The following NAA35 variants were observed in gnomAD, a reference collection of about 807,000 sequenced individuals.
The protein encoded by NAA35 is MAK10 homolog, amino-acid N-acetyltransferase subunit.
Under a neutral mutation model 101.7 loss-of-function variants are expected in NAA35, and 18 were observed. The observed-to-expected ratio is 0.18, with a 90% CI of 0.12 to 0.26. NAA35 has a LOEUF of 0.26. Among genes scored for constraint, NAA35 ranks in the 10% least tolerant of loss-of-function variants. The pLI is 1.00. For synonymous variants in NAA35, 267 were observed against 273.1 expected, an observed-to-expected ratio of 0.98 and a Z score of 0.22; for missense variants, 601 against 886.8, an observed-to-expected ratio of 0.68 and a Z score of 4.09.
At chr9:85,943,651 T>C (rs1324716128) in intron 2 of NAA35, among the ~76,000 whole-genome samples, 1 of 152,206 alleles carries the variant, frequency 6.6e-6, no homozygotes, top group Non-Finnish European at 1.5e-5. Flanking sequence ...GAGAAAGAAA[T>C]GTCAAGTTAC....
In NAA35 at chr9:86,009,378, C is replaced by T. The variant is rs374636747; in HGVS notation, c.1224-487C>T. 1.3e-3 allele frequency among the ~76,000 whole-genome samples: 191 copies of T among 152,074 alleles called. 5 individuals carry two copies. In the South Asian group the frequency reaches 0.033, roughly 26 times the overall value. On this transcript the variant is annotated intron_variant, in intron 14 of 22. Coordinates refer to ENST00000361671, the MANE Select transcript of NAA35 (RefSeq NM_024635.4). ...TCTGTTAATCAGAGATAAGGAACAC[C>T]GTAAAGGAAACCACTTTGTGAGAAG...
chr9:85,942,416 C>A, intron 2 of NAA35, 133 bp downstream of exon 2: 2 of 1,186,022 alleles, frequency 1.7e-6, no homozygotes, highest in Non-Finnish European at 1.2e-6. Context: ...CACACTTATT[C>A]TGTATCCTCT....
intron 2 of NAA35, among the ~76,000 whole-genome samples, chr9:85,947,982 A>G (rs1430517589): frequency 6.6e-6 from 1 of 152,170 alleles, no homozygotes; most frequent in Non-Finnish European, 1.5e-5. Context: ...ATCACGTATA[A>G]TATATCTTGC....
intron 15 of NAA35, 27 bp from the exon 16 acceptor site, chr9:86,013,019 A>C: frequency 7.0e-7 from 1 of 1,421,456 alleles, no homozygotes; most frequent in Non-Finnish European, 9.5e-7. Context: ...TCATATTTAC[A>C]GTTGACAAAT....
chr9:86,018,009 C>T (rs902110672), intron 19 of NAA35, among the ~76,000 whole-genome samples: 1 of 152,224 alleles, frequency 6.6e-6, no homozygotes, highest in African/African-American at 2.4e-5. Context: ...TGGGTACTAA[C>T]TCTTAAGTTG....
At position 86,016,591 on chromosome 9, in the gene NAA35, G is replaced by A. The variant is rs761127695; in HGVS notation, c.1621G>A (p.Asp541Asn). The A allele has an allele frequency of 2.2e-5, 35 of 1,613,852 alleles. No individual in the cohort carries two copies. The highest frequency in any genetic ancestry group is 2.2e-5 in the East Asian group (1 of 44,872). The change falls in exon 18 of 23, where the codon GAT becomes AAT. Residue 541 changes from aspartate (D) to asparagine (N), a missense_variant. Transcript: ENST00000361671. ...AWLMSTLSRA[D>N]GSQMAEERIM... ...GTTGATGTCAACATTGAGTCGTGCCGATGGCTCTCAAATGGCAGAGGAAAG... is the reference window on the plus strand; with the variant it reads ...GTTGATGTCAACATTGAGTCGTGCCAATGGCTCTCAAATGGCAGAGGAAAG...
chr9:86,010,599 G>A (rs755613847), intron 15 of NAA35, among the ~76,000 whole-genome samples: 4 of 136,030 alleles, frequency 2.9e-5, no homozygotes, highest in Non-Finnish European at 6.1e-5. Context: ...TTTTAAGACG[G>A]TGTCTCGCTC....
rs1341481620 is a variant in NAA35 at position 86,024,967 on chromosome 9, G to A, written c.*3007G>A. Among the ~76,000 whole-genome samples, 1 of 152,178 alleles carries A rather than the reference G, an allele frequency of 6.6e-6. No individual in the cohort carries two copies. Among genetic ancestry groups the A allele is most frequent in the Non-Finnish European group, 1.5e-5 (1 of 68,034 alleles). Reference sequence around the variant, plus strand: ...ATAGACTTGGGAGGGCCAGGGAATGGGGAGGCCACTGAGGTGGTGGGACAG... The same window carrying A: ...ATAGACTTGGGAGGGCCAGGGAATGAGGAGGCCACTGAGGTGGTGGGACAG... On this transcript the variant is annotated 3_prime_UTR_variant, in exon 23 of 23. Transcript: ENST00000361671.
intron 5 of NAA35, 140 bp downstream of exon 5, chr9:85,960,007 G>A (rs1829442711): frequency 1.8e-6 from 1 of 541,006 alleles, no homozygotes; most frequent in African/African-American, 1.9e-5. Flanking sequence ...AAGATTAACA[G>A]GCCTAGTAAT....
chr9:85,986,849 C>T (rs1830670657), intron 11 of NAA35: 2 of 205,082 alleles, frequency 9.8e-6, no homozygotes, highest in South Asian at 1.5e-4. Context: ...CCTTGGCCTT[C>T]CAAAGTGCTG....
chr9:85,953,592 CT>C (rs2118308749), intron 2 of NAA35, among the ~76,000 whole-genome samples: 1 of 151,434 alleles, frequency 6.6e-6, no homozygotes, highest in East Asian at 1.9e-4. Context: ...TGCCTGGCTA[CT>C]TTTTGTATTT....
chr9:85,993,228 A>G (rs573270184), intron 11 of NAA35, among the ~76,000 whole-genome samples: 1 of 152,344 alleles, frequency 6.6e-6, no homozygotes, highest in South Asian at 2.1e-4. Flanking sequence ...ACTGGGGTGC[A>G]GTGGCGCAAT....
intron 2 of NAA35, among the ~76,000 whole-genome samples, chr9:85,950,226 A>C (rs1828956769): frequency 6.6e-6 from 1 of 152,130 alleles, no homozygotes; most frequent in African/African-American, 2.4e-5. Context: ...ATAAAGTTTA[A>C]TAGTGAGAGA....
At position 86,022,055 on chromosome 9, in the gene NAA35, G is replaced by T. The variant is rs15898; in HGVS notation, c.*95G>T. On this transcript the variant is annotated 3_prime_UTR_variant, in exon 23 of 23. Coordinates refer to ENST00000361671, the MANE Select transcript of NAA35 (RefSeq NM_024635.4). The stretch of plus-strand genomic sequence containing the variant: ...CCAGGCTCCACATCACGGGAAGTGA[G>T]ATGGATTTCTTGGGTAACAACTCAT... 1 of 923,180 alleles carries T rather than the reference G, an allele frequency of 1.1e-6. No individual in the cohort carries two copies. The allele number at this position is 923,180 out of a possible 1,614,324, so 57.2% of individuals were successfully genotyped here.
chr9:85,986,557 T>G (rs1830656443), intron 11 of NAA35: 1 of 410,092 alleles, frequency 2.4e-6, no homozygotes, highest in East Asian at 7.1e-5. Context: ...TCTAAGCTTG[T>G]TTTTTGCCAA....
chr9:86,011,967 T>C (rs1302311514), intron 15 of NAA35, among the ~76,000 whole-genome samples: 1 of 134,750 alleles, frequency 7.4e-6, no homozygotes, highest in Non-Finnish European at 1.6e-5. Flanking sequence ...ATATATAATG[T>C]ATATAATATA....
chr9:85,949,124 G>C (rs1828892671), intron 2 of NAA35, among the ~76,000 whole-genome samples: 1 of 151,882 alleles, frequency 6.6e-6, no homozygotes, highest in Non-Finnish European at 1.5e-5. Context: ...CTTTCACTGT[G>C]GTCTGGAGCC....
intron 2 of NAA35, among the ~76,000 whole-genome samples, chr9:85,955,353 TA>T (rs1450140775): frequency 0.077 from 5,484 of 71,270 alleles, 200 homozygotes; most frequent in Non-Finnish European, 0.1. Context: ...TATATATATA[TA>T]TATATATTTT....
chr9:86,021,817 ACT>A (rs1832573639), intron 22 of NAA35, 82 bp from the exon 23 acceptor site: 2 of 1,135,700 alleles, frequency 1.8e-6, no homozygotes, highest in South Asian at 2.9e-5. Flanking sequence ...AACACAAGAA[ACT>A]CTAAAATAAA....
Sources: gnomAD v4.1 joint callset for allele counts (sites outside exome capture counted in the v4.1 genomes callset) on GRCh38, gnomAD v4.1.1 for gene constraint, MANE v1.5 for transcripts, NCBI Gene and HGNC (gene_info 2026-07-23, HGNC 2026-07-21) for gene names.